The following BMP6 variants were observed in gnomAD, a reference collection of about 807,000 sequenced individuals.
BMP6 encodes VG-1-R.
A neutral mutation model predicts 54.1 loss-of-function variants in BMP6; 17 were observed. The observed-to-expected ratio is 0.31, with a 90% CI of 0.22 to 0.47. BMP6 has a LOEUF of 0.47. Ranked by LOEUF, BMP6 falls within the 20% of genes least tolerant of loss-of-function variation. BMP6 has a pLI of 1.00. For missense variants in BMP6, 720 were observed against 690.4 expected (o/e 1.04, Z -0.48); for synonymous variants, 328 against 291.2 (o/e 1.13, Z -1.28).
At chr6:7,768,446 C>T (rs1343902845) in intron 1 of BMP6, among the ~76,000 whole-genome samples, 1 of 152,114 alleles carries the variant, frequency 6.6e-6, no homozygotes, top group Non-Finnish European at 1.5e-5. Flanking sequence ...TTGTTTTGCC[C>T]TGGGCAGAGT....
chr6:7,879,578 G>A (rs1215116158), intron 5 of BMP6, among the ~76,000 whole-genome samples: 1 of 152,060 alleles, frequency 6.6e-6, no homozygotes, highest in Non-Finnish European at 1.5e-5. Flanking sequence ...CGTTTGCCTC[G>A]TACCTGAGAA....
intron 1 of BMP6, among the ~76,000 whole-genome samples, chr6:7,761,510 G>A (rs1348076940): frequency 6.6e-6 from 1 of 152,208 alleles, no homozygotes; most frequent in Non-Finnish European, 1.5e-5. Context: ...AAATTCCAGT[G>A]CAGCTGGGGC....
chr6:7,827,599 G>A (rs1330185997), intron 1 of BMP6, among the ~76,000 whole-genome samples: 1 of 152,120 alleles, frequency 6.6e-6, no homozygotes, highest in Admixed American at 6.5e-5. Context: ...TGTTAGACAT[G>A]GAAATTATTG....
intron 1 of BMP6, among the ~76,000 whole-genome samples, chr6:7,829,402 C>T (rs1758753733): frequency 6.6e-6 from 1 of 152,086 alleles, no homozygotes; most frequent in Admixed American, 6.6e-5. Context: ...ATAAGTAAGG[C>T]TCTTAAAAAG....
intron 1 of BMP6, among the ~76,000 whole-genome samples, chr6:7,751,826 T>C (rs1030953568): frequency 6.6e-6 from 1 of 152,236 alleles, no homozygotes; most frequent in Non-Finnish European, 1.5e-5. Context: ...AGACTGTTTT[T>C]CAAGAAGTCT....
At chr6:7,853,520 C>G (rs1382036493) in intron 2 of BMP6, among the ~76,000 whole-genome samples, 1 of 152,124 alleles carries the variant, frequency 6.6e-6, no homozygotes, top group Non-Finnish European at 1.5e-5. Context: ...CAAAAGTTCA[C>G]CCTTTTTAGA....
chr6:7,842,933 C>T (rs750568308), intron 1 of BMP6, among the ~76,000 whole-genome samples: 14 of 152,192 alleles, frequency 9.2e-5, no homozygotes, highest in Non-Finnish European at 2.1e-4. Context: ...AGTAATATTA[C>T]AATTAGGCCT....
At chr6:7,784,724 C>T (rs1757997291) in intron 1 of BMP6, among the ~76,000 whole-genome samples, 1 of 152,146 alleles carries the variant, frequency 6.6e-6, no homozygotes, top group South Asian at 2.1e-4. Context: ...GTAAGTTGAT[C>T]TTGGACCATA....
At position 7,727,125 on chromosome 6, in the gene BMP6, C is replaced by T; in HGVS notation, c.170C>T (p.Pro57Leu). 6.6e-7 allele frequency: 1 copy of T among 1,526,142 alleles called. No homozygotes were observed. Among genetic ancestry groups the T allele is most frequent in the Non-Finnish European group, 8.8e-7 (1 of 1,138,968 alleles). The allele number at this position is 1,526,142 out of a possible 1,614,324, so 94.5% of individuals were successfully genotyped here. A position where few individuals can be genotyped will look rare whatever the true frequency, so the allele number is the denominator to read the frequency against. The change falls in exon 1 of 7, where the codon CCG becomes CTG. Residue 57 changes from proline to leucine, a missense_variant. This residue lies in a region of BMP6 where 650 missense variants were observed against 556.3 expected (regional missense o/e 1.17). Transcript: ENST00000283147. ...GGSPGRTEQP[P>L]PSPQSSSGFL... ...AGCCCCGGCCGCACGGAGCAGCCGC[C>T]GCCGTCGCCGCAGTCCTCCTCGGGC... is the stretch of plus-strand genomic sequence containing the variant.
intron 1 of BMP6, among the ~76,000 whole-genome samples, chr6:7,786,435 C>A (rs1186539478): frequency 6.7e-6 from 1 of 148,740 alleles, no homozygotes; most frequent in Admixed American, 6.8e-5. Context: ...TATTTCCAAA[C>A]AGCTGCTTTT....
chr6:7,879,163 G>C lies in BMP6; in HGVS notation c.1281+13G>C. ...CCTGGGATGGCAGGTGAGTTCTCTGGACACGGGGGATAAAGGTCCTTTCTC... is the reference window on the plus strand; with the variant it reads ...CCTGGGATGGCAGGTGAGTTCTCTGCACACGGGGGATAAAGGTCCTTTCTC... On this transcript the variant is annotated intron_variant, in intron 5 of 6. Coordinates refer to ENST00000283147, the MANE Select transcript of BMP6 (RefSeq NM_001718.6). 2.5e-6 allele frequency: 4 copies of C among 1,608,636 alleles called. No individual in the cohort carries two copies. Among genetic ancestry groups the C allele is most frequent in the Non-Finnish European group, 3.4e-6 (4 of 1,174,944 alleles).
intron 2 of BMP6, among the ~76,000 whole-genome samples, chr6:7,849,732 C>T (rs566349526): frequency 7.2e-5 from 11 of 152,358 alleles, no homozygotes; most frequent in African/African-American, 2.2e-4. Flanking sequence ...TTAACAGACA[C>T]GTTCAATATC....
chr6:7,810,070 T>G (rs1303799038), intron 1 of BMP6, among the ~76,000 whole-genome samples: 2 of 152,228 alleles, frequency 1.3e-5, no homozygotes, highest in East Asian at 3.8e-4. Context: ...CCTCTACAGA[T>G]TCCTAAAGTT....
intron 1 of BMP6, among the ~76,000 whole-genome samples, chr6:7,797,506 C>T (rs1224407945): frequency 6.6e-6 from 1 of 152,196 alleles, no homozygotes. Context: ...ATAAATTATA[C>T]CAATGTGAAA....
chr6:7,727,489 C>G lies in BMP6; in HGVS notation c.534C>G (p.Ala178=), dbSNP rs746819946. Reference sequence around the variant, plus strand: ...AGCGTCGGCAGCCGCCCCCGGGCGCCGCGCACCCGCTCAACCGCAAGAGCC... The same window carrying G: ...AGCGTCGGCAGCCGCCCCCGGGCGCGGCGCACCCGCTCAACCGCAAGAGCC... The part of the protein sequence containing the change: ...SSQRRQPPPG[A]AHPLNRKSLL... Residue 178 remains alanine, a synonymous_variant, in exon 1 of 7, where the codon GCC becomes GCG. Transcript: ENST00000283147. 5 of 1,594,448 alleles carry G rather than the reference C, an allele frequency of 3.1e-6. No individual in the cohort carries two copies. Among genetic ancestry groups the G allele is most frequent in the Non-Finnish European group, 4.3e-6 (5 of 1,175,814 alleles).
In BMP6 at chr6:7,732,365, C is replaced by T. The variant is rs1486443656; in HGVS notation, c.664+4746C>T. ...GTACAAAGTGTTCTTAAACTAAGAT[C>T]AAAGGGCAAGCAGATACTATTGTTC... On this transcript the variant is annotated intron_variant, in intron 1 of 6. Coordinates refer to ENST00000283147, the MANE Select transcript of BMP6 (RefSeq NM_001718.6). Among the ~76,000 whole-genome samples, 3 of 152,278 alleles carry T rather than the reference C, an allele frequency of 2.0e-5. No individual in the cohort carries two copies. In the South Asian group the frequency reaches 6.2e-4, roughly 32 times the overall value.
intron 4 of BMP6, among the ~76,000 whole-genome samples, chr6:7,872,284 C>T (rs1358042332): frequency 7.3e-6 from 1 of 137,642 alleles, no homozygotes; most frequent in Non-Finnish European, 1.5e-5. Flanking sequence ...TGTAATCTGT[C>T]AATCTGTTTA....
chr6:7,816,995 AAG>A (rs1331310806), intron 1 of BMP6, among the ~76,000 whole-genome samples: 30 of 152,216 alleles, frequency 2.0e-4, no homozygotes, highest in African/African-American at 6.5e-4. Flanking sequence ...TTGGAAAAGA[AAG>A]AGATCAATAA....
At chr6:7,879,725 A>C (rs1006978103) in intron 5 of BMP6, among the ~76,000 whole-genome samples, 3 of 152,144 alleles carry the variant, frequency 2.0e-5, no homozygotes, top group African/African-American at 7.2e-5. Context: ...GTCCAAGCAC[A>C]TATTGCTGGC....
Sources: allele counts gnomAD v4.1 joint callset (sites outside exome capture counted in the v4.1 genomes callset), GRCh38; gene constraint gnomAD v4.1.1; regional missense constraint gnomAD v4.1.1; transcripts MANE v1.5; gene names NCBI Gene and HGNC (gene_info 2026-07-23, HGNC 2026-07-21).